The following FAM163A variants were observed in gnomAD, a reference collection of about 807,000 sequenced individuals.
The protein encoded by FAM163A is family with sequence similarity 163 member A.
A neutral mutation model predicts 12.0 loss-of-function variants in FAM163A; 7 were observed. That is an observed-to-expected ratio of 0.58 (90% CI 0.33 to 1.10). The LOEUF (loss-of-function observed/expected upper bound fraction) is 1.10. Among genes scored for constraint, FAM163A ranks in the 50% least tolerant of loss-of-function variants. The pLI is 0.03. For missense variants in FAM163A, 202 were observed against 218.6 expected (o/e 0.92, Z 0.48); for synonymous variants, 101 against 91.0 (o/e 1.11, Z -0.62).
intron 1 of FAM163A, among the ~76,000 whole-genome samples, chr1:179,773,417 G>A (rs891648039): frequency 5.3e-5 from 8 of 152,126 alleles, no homozygotes; most frequent in South Asian, 2.1e-4. Context: ...AGATTGTATC[G>A]GTGTCAATTT....
chr1:179,805,487 G>A (rs576998596), intron 1 of FAM163A, among the ~76,000 whole-genome samples: 4 of 151,370 alleles, frequency 2.6e-5, no homozygotes, highest in African/African-American at 9.7e-5. Flanking sequence ...AGTGAGCCGA[G>A]ATTGTGCCAC....
intron 1 of FAM163A, among the ~76,000 whole-genome samples, chr1:179,805,258 C>T (rs1310130762): frequency 1.3e-5 from 2 of 152,186 alleles, no homozygotes; most frequent in Non-Finnish European, 2.9e-5. Context: ...TGGCTCACGC[C>T]TGTAATCCTA....
At chr1:179,802,403 G>T (rs1693303536) in intron 1 of FAM163A, among the ~76,000 whole-genome samples, 1 of 152,126 alleles carries the variant, frequency 6.6e-6, no homozygotes, top group African/African-American at 2.4e-5. Flanking sequence ...TGCCACATCT[G>T]GTCCTCTGCT....
In FAM163A at chr1:179,814,206, C is replaced by T; in HGVS notation, c.*17C>T. ...GACGTGTAAATCCTTCCACCCCGACCCGCACACACACCCACACTGCTGCCC... is the reference window on the plus strand; with the variant it reads ...GACGTGTAAATCCTTCCACCCCGACTCGCACACACACCCACACTGCTGCCC... On this transcript the variant is annotated 3_prime_UTR_variant, in exon 5 of 5. Transcript: ENST00000341785. The T allele has an allele frequency of 1.9e-6, 3 of 1,588,004 alleles. No individual in the cohort carries two copies. The highest frequency in any genetic ancestry group is 2.2e-5 in the East Asian group (1 of 44,484).
At chr1:179,807,414 C>A (rs1455461741) in intron 1 of FAM163A, among the ~76,000 whole-genome samples, 3 of 152,128 alleles carry the variant, frequency 2.0e-5, no homozygotes, top group Non-Finnish European at 4.4e-5. Flanking sequence ...GTCAGTCATG[C>A]AGGCAACAAG....
At chr1:179,791,781 G>A (rs185841164) in intron 1 of FAM163A, among the ~76,000 whole-genome samples, 34 of 152,212 alleles carry the variant, frequency 2.2e-4, no homozygotes, top group African/African-American at 5.1e-4. Flanking sequence ...TGAAGGAACC[G>A]TAAAAGTCAT....
intron 1 of FAM163A, among the ~76,000 whole-genome samples, chr1:179,803,277 T>C (rs1693441061): frequency 1.3e-5 from 2 of 152,166 alleles, no homozygotes; most frequent in African/African-American, 4.8e-5. Flanking sequence ...CTCAATTAAC[T>C]TGTGCTCCTA....
intron 1 of FAM163A, among the ~76,000 whole-genome samples, chr1:179,770,132 C>T (rs893604102): frequency 2.6e-5 from 4 of 151,940 alleles, no homozygotes; most frequent in African/African-American, 7.3e-5. Flanking sequence ...GTCTCAATCT[C>T]CTGACCTCGT....
chr1:179,788,011 A>AG (rs1393441613), intron 1 of FAM163A, among the ~76,000 whole-genome samples: 1 of 152,234 alleles, frequency 6.6e-6, no homozygotes, highest in African/African-American at 2.4e-5. Flanking sequence ...CTAGGAGACA[A>AG]CAAGTTAATA....
intron 1 of FAM163A, among the ~76,000 whole-genome samples, chr1:179,772,463 A>G (rs1323996794): frequency 2.0e-5 from 3 of 152,202 alleles, no homozygotes; most frequent in Non-Finnish European, 4.4e-5. Flanking sequence ...CAGCATCAGC[A>G]TCACTGGGAG....
At chr1:179,801,497 C>A (rs957856617) in intron 1 of FAM163A, among the ~76,000 whole-genome samples, 1 of 152,178 alleles carries the variant, frequency 6.6e-6, no homozygotes, top group East Asian at 1.9e-4. Flanking sequence ...CTTGGAACAA[C>A]ATCAGCCCTC....
At chr1:179,798,518 C>T (rs1692705697) in intron 1 of FAM163A, among the ~76,000 whole-genome samples, 1 of 152,238 alleles carries the variant, frequency 6.6e-6, no homozygotes. Flanking sequence ...ATCACCTGCC[C>T]CTGGGCTTTT....
the FAM163A span, among the ~76,000 whole-genome samples, chr1:179,727,816 T>C: frequency 6.6e-6 from 1 of 152,128 alleles, no homozygotes; most frequent in Non-Finnish European, 1.5e-5. Context: ...TTTGGAAGCA[T>C]AGAGAAGAGA....
At chr1:179,747,965 G>GGGAGGA in intron 1 of FAM163A, among the ~76,000 whole-genome samples, 1 of 151,392 alleles carries the variant, frequency 6.6e-6, no homozygotes, top group South Asian at 2.1e-4. Flanking sequence ...GAGGGGGAGG[G>GGGAGGA]GGAGGAGGAA....
chr1:179,777,464 T>G (rs1401681598), intron 1 of FAM163A, among the ~76,000 whole-genome samples: 2 of 152,160 alleles, frequency 1.3e-5, no homozygotes, highest in African/African-American at 4.8e-5. Context: ...GAGATCAGCC[T>G]TCGTGTGCCA....
At chr1:179,779,313 G>C (rs1410302463) in intron 1 of FAM163A, among the ~76,000 whole-genome samples, 1 of 152,144 alleles carries the variant, frequency 6.6e-6, no homozygotes, top group East Asian at 1.9e-4. Context: ...GAGGGAGTTG[G>C]CTTAGACCAG....
chr1:179,784,770 A>G (rs980662394), intron 1 of FAM163A, among the ~76,000 whole-genome samples: 2 of 152,242 alleles, frequency 1.3e-5, no homozygotes, highest in African/African-American at 4.8e-5. Flanking sequence ...GAATTGTGAC[A>G]TGTCGCAGTG....
intron 1 of FAM163A, among the ~76,000 whole-genome samples, chr1:179,745,351 T>A (rs1370535861): frequency 6.6e-6 from 1 of 152,216 alleles, no homozygotes; most frequent in Non-Finnish European, 1.5e-5. Flanking sequence ...TTCTCTAGCT[T>A]GCCGTCTGTA....
Position 179,813,882 on chromosome 1 carries a change from G to C in FAM163A, c.197G>C (p.Ser66Thr), listed in dbSNP as rs141650589. ...AGAGGCCCCACCTGCAATGCCTGCA[G>C]CTCCCAAGCCCTGGACGGCAGAGGC... ...HPRGPTCNAC[S>T]SQALDGRGSL... is the part of the protein sequence containing the mutation. The change falls in exon 5 of 5, where the codon AGC becomes ACC. Residue 66 changes from serine to threonine, a missense_variant. Transcript: ENST00000341785. 6.2e-7 allele frequency: 1 copy of C among 1,613,956 alleles called. No individual in the cohort carries two copies. The highest frequency in any genetic ancestry group is 1.1e-5 in the South Asian group (1 of 91,088).
Sources: allele counts gnomAD v4.1 joint callset (sites outside exome capture counted in the v4.1 genomes callset), GRCh38; gene constraint gnomAD v4.1.1; transcripts MANE v1.5; gene names NCBI Gene and HGNC (gene_info 2026-07-23, HGNC 2026-07-21).